Variants in MTNR1A observed in about 807,000 individuals in gnomAD.
MTNR1A encodes the protein melatonin receptor 1A.
In MTNR1A, 7 loss-of-function variants were observed where a neutral mutation model predicts 5.5. The ratio of observed to expected loss-of-function variants is 1.28; its 90% CI spans 0.73 to 2.40. The LOEUF (loss-of-function observed/expected upper bound fraction) is 2.40, where lower values mean the gene tolerates loss of function less well. Ranked by LOEUF, MTNR1A falls within the 30% of genes most tolerant of loss-of-function variation. The pLI is 0.00. For synonymous variants in MTNR1A, 196 were observed against 202.7 expected, an observed-to-expected ratio of 0.97 and a Z score of 0.28; for missense variants, 441 against 464.4, an observed-to-expected ratio of 0.95 and a Z score of 0.46.
In MTNR1A at chr4:186,533,810, A is replaced by G; in HGVS notation, c.932T>C (p.Val311Ala). 1 of 1,614,158 alleles carries G rather than the reference A, an allele frequency of 6.2e-7. No homozygotes were observed. Among genetic ancestry groups the G allele is most frequent in the African/African-American group, 1.3e-5 (1 of 75,032 alleles). ...GAACACCCTGGCTGTACAGAGCGAG[A>G]CTATAATTCTCCTGTATTCCTTCCT... The part of the protein sequence containing the change: ...NFRKEYRRII[V>A]SLCTARVFFV... Residue 311 changes from valine (V) to alanine (A), a missense_variant, in exon 2 of 2, where the codon GTC becomes GCC. Transcript: ENST00000307161.
At chr4:186,548,810 GATATATATATATATATATATATAT>G (rs71595106) in intron 1 of MTNR1A, among the ~76,000 whole-genome samples, 1 of 54,592 alleles carries the variant, frequency 1.8e-5, no homozygotes, top group African/African-American at 6.4e-5. Flanking sequence ...AATCTATAAA[GATATATATATATATATATATATAT>G]ATATATATAT....
chr4:186,543,677 GA>G (rs1338716888), intron 1 of MTNR1A, among the ~76,000 whole-genome samples: 1 of 152,164 alleles, frequency 6.6e-6, no homozygotes, highest in Non-Finnish European at 1.5e-5. Flanking sequence ...GACTCAACTA[GA>G]ATAATAAAAA....
Position 186,555,176 on chromosome 4 carries a change from C to T in MTNR1A, c.184+6G>A. On this transcript the variant is annotated splice_donor_region_variant and intron_variant, in intron 1 of 1. Transcript: ENST00000307161. This position sits in a 1 kb window ranked among gnomAD's most constrained non-coding sequence, Gnocchi z 4.1. ...GCTGGCCCAGGGGAGGCGGCGCGGG[C>T]CCTACCTGCGTTCCTGAGCTTCTTG... is the stretch of plus-strand genomic sequence containing the variant. 6.3e-7 allele frequency: 1 copy of T among 1,588,672 alleles called. No individual in the cohort carries two copies. Among genetic ancestry groups the T allele is most frequent in the South Asian group, 1.1e-5 (1 of 87,308 alleles).
intron 1 of MTNR1A, among the ~76,000 whole-genome samples, chr4:186,553,938 C>G (rs577602095): frequency 6.6e-6 from 1 of 152,338 alleles, no homozygotes; most frequent in South Asian, 2.1e-4. Context: ...CCTACAGTCC[C>G]TGGGAACAAT....
chr4:186,554,639 AG>A (rs1560899676), intron 1 of MTNR1A, among the ~76,000 whole-genome samples: 1 of 152,192 alleles, frequency 6.6e-6, no homozygotes, highest in Non-Finnish European at 1.5e-5. Flanking sequence ...CCGTTTTTAA[AG>A]TGTCAACTTG....
intron 1 of MTNR1A, among the ~76,000 whole-genome samples, chr4:186,553,316 CT>C (rs1265766951): frequency 1.3e-5 from 2 of 152,168 alleles, no homozygotes; most frequent in African/African-American, 4.8e-5. Flanking sequence ...CAAAAAATCC[CT>C]ATTAGAAAAA....
rs1328241055 is a variant in MTNR1A, at chr4:186,534,217, G to C, written c.525C>G (p.Tyr175Ter). 6.2e-7 allele frequency: 1 copy of C among 1,613,982 alleles called. No homozygotes were observed. Among genetic ancestry groups the C allele is most frequent in the African/African-American group, 1.3e-5 (1 of 74,922 alleles). The change falls in exon 2 of 2, where the codon TAC becomes TAG. Residue 175 changes from tyrosine to a stop codon, truncating the protein, a stop_gained. Coordinates refer to ENST00000307161, the MANE Select transcript of MTNR1A (RefSeq NM_005958.4). LOFTEE classifies it low-confidence loss of function (END_TRUNC). The stretch of plus-strand genomic sequence containing the variant: ...TGACGGACTGGGCGAAGGTGCACGA[G>C]TAGATCCTCGGGTCGTACTGGAGAG... Reference protein sequence around the residue: ...AGTLQYDPRIYSCTFAQSVSS... With the variant: ...AGTLQYDPRI
Position 186,534,086 on chromosome 4 carries a change from T to C in MTNR1A, c.656A>G (p.Gln219Arg), listed in dbSNP as rs2111362553. Residue 219 changes from glutamine to arginine, a missense_variant, in exon 2 of 2, where the codon CAG becomes CGG. By Grantham distance (43) the Gln-to-Arg change is conservative. Transcript: ENST00000307161. ...RIWILVLQVR[Q>R]RVKPDRKPKL... ...GGGTTTGCGGTCAGGTTTCACCCTC[T>C]GTCTGACCTGGAGAACCAGGATCCA... 6.2e-7 allele frequency: 1 copy of C among 1,614,152 alleles called. No individual in the cohort carries two copies. Among genetic ancestry groups the C allele is most frequent in the East Asian group, 2.2e-5 (1 of 44,884 alleles).
At chr4:186,546,481 C>T (rs1737145386) in intron 1 of MTNR1A, among the ~76,000 whole-genome samples, 2 of 152,262 alleles carry the variant, frequency 1.3e-5, no homozygotes, top group African/African-American at 2.4e-5. Flanking sequence ...TTCTCCCAGC[C>T]TTTAACTCCT....
At chr4:186,553,758 C>T (rs1737310623) in intron 1 of MTNR1A, among the ~76,000 whole-genome samples, 1 of 152,224 alleles carries the variant, frequency 6.6e-6, no homozygotes, top group African/African-American at 2.4e-5. Context: ...GCGATCCACC[C>T]ACCTCGGCCT....
intron 1 of MTNR1A, among the ~76,000 whole-genome samples, chr4:186,542,114 T>C (rs1284277505): frequency 6.6e-6 from 1 of 152,222 alleles, no homozygotes; most frequent in East Asian, 1.9e-4. Flanking sequence ...AAAACTGATC[T>C]GGATGCAGCC....
chr4:186,534,396 A>G lies in MTNR1A; in HGVS notation c.346T>C (p.Phe116Leu). The G allele has an allele frequency of 6.2e-7, 1 of 1,614,144 alleles. No individual in the cohort carries two copies. Among genetic ancestry groups the G allele is most frequent in the African/African-American group, 1.3e-5 (1 of 75,040 alleles). The change falls in exon 2 of 2, where the codon TTC becomes CTC. Residue 116 changes from phenylalanine (F) to leucine (L), a missense_variant. By Grantham distance (22) the Phe-to-Leu change is conservative. Transcript: ENST00000307161. ...TTGATGGCGATGCCGGTGATGTTGA[A>G]TATGGAGCCGATGACGCTCAGGCCC... is the stretch of plus-strand genomic sequence containing the variant. ...LMGLSVIGSI[F>L]NITGIAINRY...
At chr4:186,535,747 GT>G (rs928005847) in intron 1 of MTNR1A, among the ~76,000 whole-genome samples, 7 of 152,002 alleles carry the variant, frequency 4.6e-5, no homozygotes, top group African/African-American at 1.5e-4. Context: ...CTGCAAATAT[GT>G]TTTTTTTCTT....
At chr4:186,548,368 C>T (rs1256959840) in intron 1 of MTNR1A, among the ~76,000 whole-genome samples, 2 of 151,986 alleles carry the variant, frequency 1.3e-5, no homozygotes, top group East Asian at 3.9e-4. Context: ...ATAATATTCT[C>T]ATAAAAGTAA....
intron 1 of MTNR1A, among the ~76,000 whole-genome samples, chr4:186,539,336 C>T (rs34532313): frequency 0.21 from 31,984 of 151,746 alleles, 4,014 homozygotes; most frequent in East Asian, 0.58. Flanking sequence ...AAGGGTTGGA[C>T]GTATTAAACC....
intron 1 of MTNR1A, among the ~76,000 whole-genome samples, chr4:186,547,868 G>C (rs1737190927): frequency 6.6e-6 from 1 of 152,146 alleles, no homozygotes; most frequent in African/African-American, 2.4e-5. Flanking sequence ...AGTGTTAAAG[G>C]TGTAACATCC....
intron 1 of MTNR1A, among the ~76,000 whole-genome samples, chr4:186,551,849 G>C (rs1347568699): frequency 6.6e-6 from 1 of 152,120 alleles, no homozygotes; most frequent in East Asian, 1.9e-4. Context: ...AAGTGCAAGA[G>C]AGGCTTCACA....
chr4:186,554,855 C>G (rs1737337203), intron 1 of MTNR1A, among the ~76,000 whole-genome samples: 3 of 152,234 alleles, frequency 2.0e-5, no homozygotes, highest in Admixed American at 2.0e-4. Context: ...CAGTTCGTTG[C>G]AGAGGCTGCT....
Position 186,533,739 on chromosome 4 carries a change from G to A in MTNR1A, c.1003C>T (p.Pro335Ser). Residue 335 changes from proline to serine, a missense_variant, in exon 2 of 2, where the codon CCG becomes TCG. By Grantham distance (74) the Pro-to-Ser change is moderately conservative. Coordinates refer to ENST00000307161, the MANE Select transcript of MTNR1A (RefSeq NM_005958.4). ...TTATTGTTGGTCATCAGTGGAGACGGTTTCCATTTAACCCTATCGGCCACG... is the reference window on the plus strand; with the variant it reads ...TTATTGTTGGTCATCAGTGGAGACGATTTCCATTTAACCCTATCGGCCACG... ...NDVADRVKWKPSPLMTNNNVV... is the reference protein window; with the variant it reads ...NDVADRVKWKSSPLMTNNNVV... The A allele has an allele frequency of 1.2e-6, 2 of 1,614,188 alleles. No homozygotes were observed. Among genetic ancestry groups the A allele is most frequent in the African/African-American group, 1.3e-5 (1 of 75,034 alleles).
Sources: gnomAD v4.1 joint callset for allele counts (sites outside exome capture counted in the v4.1 genomes callset) on GRCh38, gnomAD v4.1.1 for gene constraint, Gnocchi (gnomAD v3.1) non-coding constraint, MANE v1.5 for transcripts, NCBI Gene and HGNC (gene_info 2026-07-23, HGNC 2026-07-21) for gene names.